TPST1: variants seen among roughly 807,000 people sequenced by gnomAD.
The protein encoded by TPST1 is tyrosylprotein sulfotransferase 1.
A neutral mutation model predicts 34.8 loss-of-function variants in TPST1; 20 were observed. The ratio of observed to expected loss-of-function variants is 0.57; its 90% CI spans 0.40 to 0.84. The LOEUF (loss-of-function observed/expected upper bound fraction) is 0.84, where lower values mean the gene tolerates loss of function less well. Ranked by LOEUF, TPST1 falls within the 40% of genes least tolerant of loss-of-function variation. The pLI is 0.00. For synonymous variants in TPST1, 152 were observed against 159.4 expected (o/e 0.95, Z 0.35); for missense variants, 353 against 455.5 (o/e 0.78, Z 2.05).
At chr7:66,334,394 G>A (rs1257604771) in intron 3 of TPST1, among the ~76,000 whole-genome samples, 1 of 152,094 alleles carries the variant, frequency 6.6e-6, no homozygotes, top group Non-Finnish European at 1.5e-5. Flanking sequence ...CCAGCATGTT[G>A]GGAGGCCGAA....
chr7:66,328,617 T>C (rs1386533055), intron 3 of TPST1, among the ~76,000 whole-genome samples: 1 of 151,828 alleles, frequency 6.6e-6, no homozygotes, highest in Non-Finnish European at 1.5e-5. Context: ...TGATCTTGGC[T>C]CACTGCAACC....
chr7:66,212,132 C>G (rs543354789), intron 1 of TPST1, among the ~76,000 whole-genome samples: 1 of 152,140 alleles, frequency 6.6e-6, no homozygotes, highest in African/African-American at 2.4e-5. Flanking sequence ...TTAAAATAGA[C>G]TTTATTTCAT....
At chr7:66,265,714 T>C (rs1790579556) in intron 2 of TPST1, among the ~76,000 whole-genome samples, 1 of 152,136 alleles carries the variant, frequency 6.6e-6, no homozygotes, top group South Asian at 2.1e-4. Context: ...AATCAAACTG[T>C]TGAAAGCCAA....
At chr7:66,305,679 G>A (rs1791408071) in intron 3 of TPST1, among the ~76,000 whole-genome samples, 1 of 152,212 alleles carries the variant, frequency 6.6e-6, no homozygotes, top group Non-Finnish European at 1.5e-5. Flanking sequence ...ATAATGTTGT[G>A]TCTCCCCCAA....
chr7:66,319,442 A>T (rs1245465012), intron 3 of TPST1, among the ~76,000 whole-genome samples: 1 of 152,228 alleles, frequency 6.6e-6, no homozygotes, highest in Non-Finnish European at 1.5e-5. Flanking sequence ...CTTTTAAAAC[A>T]TCAAAAGTTG....
chr7:66,203,239 T>C (rs1015518640), upstream of TPST1, among the ~76,000 whole-genome samples: 52 of 151,828 alleles, frequency 3.4e-4, no homozygotes, highest in Non-Finnish European at 5.9e-4. Context: ...ATATAATTAT[T>C]ATTTTTTTTT....
chr7:66,241,190 G>A lies in TPST1; in HGVS notation c.765G>A (p.Lys255=), dbSNP rs1341746441. 1.9e-6 allele frequency: 3 copies of A among 1,614,054 alleles called. No homozygotes were observed. The highest frequency in any genetic ancestry group is 4.5e-5 in the East Asian group (2 of 44,898). The change falls in exon 2 of 6, where the codon AAG becomes AAA. Residue 255 remains lysine, a synonymous_variant. Coordinates refer to ENST00000304842, the MANE Select transcript of TPST1 (RefSeq NM_003596.4). ...HPERWMRTLL[K]FLQIPWNHSV... is the part of the protein sequence containing the mutation. ...AACGGTGGATGAGAACACTCTTAAA[G>A]TTCCTCCAGATTCCATGGAACCACT... is the stretch of plus-strand genomic sequence containing the variant.
rs200956102 is a variant in TPST1 at position 66,342,998 on chromosome 7, G to T, written c.1045-9507G>T. On this transcript the variant is annotated intron_variant, in intron 3 of 5. Coordinates refer to ENST00000304842, the MANE Select transcript of TPST1 (RefSeq NM_003596.4). ...AGCCTTCCTGTCTTACCTAATTGGG[G>T]AGAAGGGAACCTGAGAAGCACTTGT... Among the ~76,000 whole-genome samples the T allele has an allele frequency of 2.6e-5, 4 of 152,216 alleles. No individual in the cohort carries two copies. The East Asian group carries it at 7.7e-4, about 29-fold the overall frequency.
At chr7:66,232,932 T>G (rs1263873358) in intron 1 of TPST1, among the ~76,000 whole-genome samples, 1 of 152,228 alleles carries the variant, frequency 6.6e-6, no homozygotes, top group East Asian at 1.9e-4. Flanking sequence ...TCATTGTGAT[T>G]TTGATTTGTA....
intron 3 of TPST1, among the ~76,000 whole-genome samples, chr7:66,335,892 AT>A (rs1223336053): frequency 6.6e-6 from 1 of 152,238 alleles, no homozygotes; most frequent in Non-Finnish European, 1.5e-5. Context: ...ACAAGCAATG[AT>A]TATGAAAACT....
At chr7:66,317,002 T>G (rs1053475296) in intron 3 of TPST1, among the ~76,000 whole-genome samples, 8 of 152,140 alleles carry the variant, frequency 5.3e-5, no homozygotes, top group Admixed American at 2.0e-4. Context: ...TGAAATAATC[T>G]GTACAGCAAA....
At chr7:66,228,191 G>A (rs961373807) in intron 1 of TPST1, among the ~76,000 whole-genome samples, 1 of 152,188 alleles carries the variant, frequency 6.6e-6, no homozygotes, top group African/African-American at 2.4e-5. Context: ...AGAAACTATT[G>A]GTTGCTTCTT....
intron 2 of TPST1, among the ~76,000 whole-genome samples, chr7:66,263,109 AT>A (rs1007861220): frequency 2.0e-5 from 3 of 152,068 alleles, no homozygotes; most frequent in African/African-American, 7.2e-5. Flanking sequence ...CCATAAAAAA[AT>A]AAAAAATAAA....
chr7:66,318,522 A>C (rs985707507), intron 3 of TPST1, among the ~76,000 whole-genome samples: 1 of 150,776 alleles, frequency 6.6e-6, no homozygotes, highest in Non-Finnish European at 1.5e-5. Context: ...GCTGGAGTGC[A>C]GTGGCACGAT....
chr7:66,241,022 T>C lies in TPST1; in HGVS notation c.597T>C (p.Thr199=). 6.2e-7 allele frequency: 1 copy of C among 1,614,246 alleles called. No individual in the cohort carries two copies. Among genetic ancestry groups the C allele is most frequent in the Non-Finnish European group, 8.5e-7 (1 of 1,180,038 alleles). Reference sequence around the variant, plus strand: ...ATTCAATGATTTCTCGAAAAGTTACTATAGCTGGATTTGATCTGAACAGCT... The same window carrying C: ...ATTCAATGATTTCTCGAAAAGTTACCATAGCTGGATTTGATCTGAACAGCT... ...SVHSMISRKV[T]IAGFDLNSYR... The change falls in exon 2 of 6, where the codon ACT becomes ACC. Residue 199 remains threonine (T), a synonymous_variant. Transcript: ENST00000304842.
At chr7:66,293,722 C>A (rs904332891) in intron 3 of TPST1, among the ~76,000 whole-genome samples, 3 of 152,134 alleles carry the variant, frequency 2.0e-5, no homozygotes, top group Non-Finnish European at 4.4e-5. Flanking sequence ...CTTCTGATTT[C>A]TTTCTTTCTG....
chr7:66,227,157 C>T (rs1301552158), intron 1 of TPST1, among the ~76,000 whole-genome samples: 4 of 148,540 alleles, frequency 2.7e-5, no homozygotes, highest in South Asian at 2.2e-4. Flanking sequence ...CTCAGCCTCC[C>T]GAGTAGCTGG....
At chr7:66,300,875 G>T (rs906688395) in intron 3 of TPST1, among the ~76,000 whole-genome samples, 1 of 152,018 alleles carries the variant, frequency 6.6e-6, no homozygotes, top group Admixed American at 6.6e-5. Flanking sequence ...GAACCGGGGA[G>T]GGAGAGGTTG....
At chr7:66,316,106 A>G (rs1791627849) in intron 3 of TPST1, among the ~76,000 whole-genome samples, 1 of 150,988 alleles carries the variant, frequency 6.6e-6, no homozygotes, top group African/African-American at 2.4e-5. Context: ...GTGAAACTCC[A>G]TCTCAAAAAA....
Sources: gnomAD v4.1 joint callset for allele counts (sites outside exome capture counted in the v4.1 genomes callset) on GRCh38, gnomAD v4.1.1 for gene constraint, MANE v1.5 for transcripts, NCBI Gene and HGNC (gene_info 2026-07-23, HGNC 2026-07-21) for gene names.